Variants in IL1RAPL2 observed in about 807,000 individuals in gnomAD.
The protein encoded by IL1RAPL2 is interleukin 1 receptor accessory protein like 2, also known as X-linked interleukin-1 receptor accessory protein-like 2.
Under a neutral mutation model 44.1 loss-of-function variants are expected in IL1RAPL2, and 3 were observed. The ratio of observed to expected loss-of-function variants is 0.07; its 90% CI spans 0.03 to 0.18. IL1RAPL2 has a LOEUF of 0.18. Ranked by LOEUF, IL1RAPL2 falls within the 10% of genes least tolerant of loss-of-function variation. The pLI is 1.00. For synonymous variants in IL1RAPL2, 181 were observed against 178.8 expected (o/e 1.01, Z -0.10); for missense variants, 391 against 496.4 (o/e 0.79, Z 2.02).
intron 5 of IL1RAPL2, among the ~76,000 whole-genome samples, chrX:105,412,170 A>G (rs1333973781): frequency 3.6e-5 from 4 of 110,743 alleles, no homozygotes; most frequent in African/African-American, 1.3e-4. Flanking sequence ...TCTAAGAGGG[A>G]AGTTCATAGT....
intron 6 of IL1RAPL2, among the ~76,000 whole-genome samples, chrX:105,508,182 GTTA>G (rs746749660): frequency 5.4e-5 from 6 of 110,821 alleles, no homozygotes; most frequent in African/African-American, 2.0e-4. Flanking sequence ...ACAAAAGAGA[GTTA>G]TTATTATTAT....
intron 6 of IL1RAPL2, among the ~76,000 whole-genome samples, chrX:105,580,701 G>A (rs756655704): frequency 9.0e-6 from 1 of 111,726 alleles, no homozygotes; most frequent in South Asian, 3.8e-4. Context: ...AGGATGCTCA[G>A]AGAGTACAGC....
At position 104,899,003 on chromosome X, in the gene IL1RAPL2, A is replaced by G. The variant is rs1426742205; in HGVS notation, c.82+240008A>G. Among the ~76,000 whole-genome samples the G allele has an allele frequency of 4.5e-5, 5 of 112,253 alleles. No individual in the cohort carries two copies. The East Asian group carries it at 1.4e-3, about 31-fold the overall frequency. On this transcript the variant is annotated intron_variant, in intron 2 of 10. Coordinates refer to ENST00000372582, the MANE Select transcript of IL1RAPL2 (RefSeq NM_017416.2). Reference sequence around the variant, plus strand: ...GGGAGTATAGGTATAAATACCAAGCAATTTGAATTAAACAGATTAAGTCGT... The same window carrying G: ...GGGAGTATAGGTATAAATACCAAGCGATTTGAATTAAACAGATTAAGTCGT...
At chrX:105,303,862 C>T (rs1569421055) in intron 5 of IL1RAPL2, among the ~76,000 whole-genome samples, 2 of 112,731 alleles carry the variant, frequency 1.8e-5, no homozygotes, top group Non-Finnish European at 3.8e-5. Context: ...GGTCACAAGA[C>T]CTCTGAAGAG....
At chrX:105,421,811 A>G (rs5962512) in intron 5 of IL1RAPL2, among the ~76,000 whole-genome samples, 3,531 of 111,958 alleles carry the variant, frequency 0.032, 150 homozygotes, top group African/African-American at 0.11. Context: ...ACAGGGCTTT[A>G]CAAAAGCACA....
intron 2 of IL1RAPL2, among the ~76,000 whole-genome samples, chrX:104,767,547 G>A (rs911633494): frequency 9.0e-6 from 1 of 111,470 alleles, no homozygotes; most frequent in Non-Finnish European, 1.9e-5. Context: ...CTTGCAATGA[G>A]CGTACTTAAC....
rs940591715 is a variant in IL1RAPL2 at position 105,387,583 on chromosome X, G to A, written c.698-96730G>A. On this transcript the variant is annotated intron_variant, in intron 5 of 10. Transcript: ENST00000372582. Reference sequence around the variant, plus strand: ...GTATCTAACTTAATGATTATGAGTAGACAGTTCTGTTGAATTTTATTTATG... The same window carrying A: ...GTATCTAACTTAATGATTATGAGTAAACAGTTCTGTTGAATTTTATTTATG... 8.1e-5 allele frequency among the ~76,000 whole-genome samples: 9 copies of A among 111,151 alleles called. 1 individual carries two copies. The highest frequency in any genetic ancestry group is 3.8e-4 in the Admixed American group (4 of 10,400).
intron 4 of IL1RAPL2, among the ~76,000 whole-genome samples, chrX:105,265,594 T>A (rs1253523249): frequency 1.8e-5 from 2 of 111,427 alleles, no homozygotes; most frequent in Non-Finnish European, 1.9e-5. Flanking sequence ...CTCTCAATAG[T>A]ATTACTTTTA....
chrX:104,863,994 A>G (rs1185793379), intron 2 of IL1RAPL2, among the ~76,000 whole-genome samples: 1 of 111,945 alleles, frequency 8.9e-6, no homozygotes, highest in African/African-American at 3.2e-5. Flanking sequence ...TGAATAGTAT[A>G]AGACTTCCTT....
At chrX:104,883,176 G>A (rs766797936) in intron 2 of IL1RAPL2, among the ~76,000 whole-genome samples, 24 of 111,409 alleles carry the variant, frequency 2.2e-4, no homozygotes, top group Non-Finnish European at 3.4e-4. Flanking sequence ...ATCACCTATC[G>A]CCAAGCGGTG....
intron 5 of IL1RAPL2, among the ~76,000 whole-genome samples, chrX:105,363,574 G>T (rs1159387400): frequency 6.5e-5 from 7 of 107,340 alleles, no homozygotes; most frequent in African/African-American, 2.4e-4. Context: ...AGTATAAAAG[G>T]GTTCTTTTTT....
At chrX:104,933,628 T>C (rs1924959954) in intron 2 of IL1RAPL2, among the ~76,000 whole-genome samples, 1 of 111,449 alleles carries the variant, frequency 9.0e-6, no homozygotes, top group Non-Finnish European at 1.9e-5. Context: ...GTATTCTGGG[T>C]ATTCTAGTTT....
At chrX:105,652,342 G>A (rs770837450) in intron 6 of IL1RAPL2, among the ~76,000 whole-genome samples, 107 of 111,368 alleles carry the variant, frequency 9.6e-4, no homozygotes, top group Non-Finnish European at 1.8e-3. Context: ...CTGCTATTTT[G>A]ATTCCTCAGA....
intron 2 of IL1RAPL2, among the ~76,000 whole-genome samples, chrX:104,743,446 A>G (rs1378165579): frequency 9.1e-6 from 1 of 110,022 alleles, no homozygotes; most frequent in Non-Finnish European, 1.9e-5. Context: ...ACAGTAGAGT[A>G]ATGGAGGGAA....
chrX:105,459,316 CTG>C (rs993740694), intron 5 of IL1RAPL2, among the ~76,000 whole-genome samples: 14 of 111,277 alleles, frequency 1.3e-4, no homozygotes, highest in Admixed American at 7.7e-4. Flanking sequence ...GTCTGCCTAT[CTG>C]TGTCTGTGTA....
intron 2 of IL1RAPL2, among the ~76,000 whole-genome samples, chrX:105,122,183 A>G (rs979077482): frequency 2.7e-5 from 3 of 111,635 alleles, no homozygotes; most frequent in African/African-American, 6.5e-5. Context: ...TTAGAACTGC[A>G]GAAGGGGAAA....
intron 5 of IL1RAPL2, among the ~76,000 whole-genome samples, chrX:105,460,074 A>G (rs1278157393): frequency 9.0e-6 from 1 of 110,996 alleles, no homozygotes; most frequent in Non-Finnish European, 1.9e-5. Flanking sequence ...CTCAGCACCT[A>G]TCTTGACAAA....
chrX:104,613,175 G>T (rs1929199637), intron 1 of IL1RAPL2, among the ~76,000 whole-genome samples: 1 of 111,361 alleles, frequency 9.0e-6, no homozygotes, highest in African/African-American at 3.3e-5. Flanking sequence ...TCTTTCTCTT[G>T]TCTGATTGAT....
intron 5 of IL1RAPL2, among the ~76,000 whole-genome samples, chrX:105,462,777 CTA>C (rs969873249): frequency 9.0e-6 from 1 of 110,869 alleles, no homozygotes; most frequent in African/African-American, 3.3e-5. Flanking sequence ...TCTTTCTTTT[CTA>C]ATATAATTCT....
Sources: allele counts gnomAD v4.1 joint callset (sites outside exome capture counted in the v4.1 genomes callset), GRCh38; gene constraint gnomAD v4.1.1; transcripts MANE v1.5; gene names NCBI Gene and HGNC (gene_info 2026-07-23, HGNC 2026-07-21).